EIF4E2: variants seen among roughly 807,000 people sequenced by gnomAD.
The protein encoded by EIF4E2 is eukaryotic translation initiation factor 4E family member 2, also known as eukaryotic translation initiation factor 4E type 2.
Under a neutral mutation model 34.2 loss-of-function variants are expected in EIF4E2, and 13 were observed. The ratio of observed to expected loss-of-function variants is 0.38; its 90% CI spans 0.25 to 0.60. EIF4E2 has a LOEUF of 0.60. Ranked by LOEUF, EIF4E2 falls within the 20% of genes least tolerant of loss-of-function variation. EIF4E2 has a pLI of 0.62. For missense variants in EIF4E2, 222 were observed against 315.1 expected, an observed-to-expected ratio of 0.70 and a Z score of 2.24; for synonymous variants, 100 against 106.6, an observed-to-expected ratio of 0.94 and a Z score of 0.38.
intron 6 of EIF4E2, chr2:232,574,416 C>T (rs1339607670): frequency 2.1e-6 from 3 of 1,449,306 alleles, no homozygotes; most frequent in African/African-American, 1.4e-5. Context: ...CCATTTACCC[C>T]CAAACTTGCC....
chr2:232,562,713 T>C (rs1318347080), intron 3 of EIF4E2, among the ~76,000 whole-genome samples: 1 of 152,240 alleles, frequency 6.6e-6, no homozygotes, highest in African/African-American at 2.4e-5. Context: ...ACCAAGCCCC[T>C]TTCAGTTCCT....
chr2:232,570,702 T>C (rs1693071326), downstream of EIF4E2, among the ~76,000 whole-genome samples: 1 of 152,192 alleles, frequency 6.6e-6, no homozygotes, highest in African/African-American at 2.4e-5. Context: ...CCTAGCACTT[T>C]GGGAGCTCGA....
intron 6 of EIF4E2, chr2:232,567,551 T>TTTAA: frequency 8.1e-7 from 1 of 1,236,032 alleles, no homozygotes; most frequent in Non-Finnish European, 1.0e-6. Context: ...CTTGCTGTTT[T>TTTAA]TTAAGATAAT....
At chr2:232,560,794 A>G (rs916204335) in intron 3 of EIF4E2, among the ~76,000 whole-genome samples, 3 of 152,272 alleles carry the variant, frequency 2.0e-5, no homozygotes, top group African/African-American at 7.2e-5. Flanking sequence ...TGCTGAGCTG[A>G]TAAAATTTCA....
chr2:232,551,660 G>A (rs1000721434), intron 1 of EIF4E2, among the ~76,000 whole-genome samples: 5 of 152,138 alleles, frequency 3.3e-5, no homozygotes, highest in African/African-American at 1.2e-4. Context: ...GTGTGATAAG[G>A]GTCAGATCAC....
exon 7 of EIF4E2, chr2:232,583,367 G>C (rs961927693): frequency 6.5e-6 from 1 of 153,512 alleles, no homozygotes; most frequent in Non-Finnish European, 1.5e-5. Context: ...GCCCTTTACT[G>C]GGTTTTCTGT....
Position 232,550,736 on chromosome 2 carries a change from G to A in EIF4E2, c.12G>A (p.Lys4=), listed in dbSNP as rs769333843. 5.0e-6 allele frequency: 8 copies of A among 1,585,618 alleles called. No homozygotes were observed. The highest frequency in any genetic ancestry group is 6.9e-6 in the Non-Finnish European group (8 of 1,167,840). The change falls in exon 1 of 7, where the codon AAG becomes AAA. Residue 4 remains lysine, a synonymous_variant. Transcript: ENST00000258416. MNN[K]FDALKDDDSG... Reference sequence around the variant, plus strand: ...GCGGCGGCGAGAGGATGAACAACAAGTTCGACGCGTGAGTGGCTCGTGGCC... The same window carrying A: ...GCGGCGGCGAGAGGATGAACAACAAATTCGACGCGTGAGTGGCTCGTGGCC...
At position 232,558,891 on chromosome 2, in the gene EIF4E2, T is replaced by TTGGTTTGTGTAC. The variant is rs1692617446; in HGVS notation, c.270+873_270+874insTGGTTTGTGTAC. 5 of 152,152 alleles carry TTGGTTTGTGTAC rather than the reference T, an allele frequency of 3.3e-5. No individual in the cohort carries two copies. In the South Asian group the frequency reaches 1.0e-3, roughly 32 times the overall value. The allele number at this position is 152,152 out of a possible 1,614,324, so 9.4% of individuals were successfully genotyped here. A position where few individuals can be genotyped will look rare whatever the true frequency, so the allele number is the denominator to read the frequency against. On this transcript the variant is annotated intron_variant, in intron 3 of 6. Coordinates refer to ENST00000258416, the MANE Select transcript of EIF4E2 (RefSeq NM_004846.4). ...GTCAGAGAGCCCAGACTGTCTCATC[T>TTGGTTTGTGTAC]CTCTCCCAGGTGACTTGGTTTGTGT...
intron 6 of EIF4E2, among the ~76,000 whole-genome samples, chr2:232,576,967 T>G (rs1403953801): frequency 6.6e-6 from 1 of 152,238 alleles, no homozygotes; most frequent in Non-Finnish European, 1.5e-5. Context: ...CTGTGACTGT[T>G]AGTATTTTAG....
chr2:232,575,460 T>C (rs1023335072), intron 6 of EIF4E2, among the ~76,000 whole-genome samples: 1 of 152,200 alleles, frequency 6.6e-6, no homozygotes, highest in Non-Finnish European at 1.5e-5. Flanking sequence ...TGATTCTCTT[T>C]AAGATATAGT....
intron 4 of EIF4E2, 137 bp downstream of exon 4, chr2:232,564,488 G>A: frequency 1.9e-6 from 1 of 529,958 alleles, no homozygotes; most frequent in Non-Finnish European, 3.2e-6. Context: ...GTGTCGCTCT[G>A]TCACCCAGGC....
intron 3 of EIF4E2, among the ~76,000 whole-genome samples, chr2:232,561,390 T>C (rs962189708): frequency 5.3e-5 from 8 of 152,106 alleles, no homozygotes; most frequent in South Asian, 4.1e-4. Context: ...TTTGTTTCAG[T>C]GTATATGTTA....
At chr2:232,577,559 A>C (rs1423849905) in intron 6 of EIF4E2, among the ~76,000 whole-genome samples, 1 of 152,206 alleles carries the variant, frequency 6.6e-6, no homozygotes, top group Admixed American at 6.5e-5. Flanking sequence ...CTCTAAAAGT[A>C]CTAAAAGATG....
intron 6 of EIF4E2, chr2:232,567,725 G>A: frequency 3.0e-6 from 3 of 991,334 alleles, no homozygotes; most frequent in Non-Finnish European, 3.6e-6. Flanking sequence ...GTGTGAGAGA[G>A]CAGAATCAAA....
intron 4 of EIF4E2, 93 bp downstream of exon 4, chr2:232,564,444 T>G (rs1692841669): frequency 3.5e-6 from 1 of 281,860 alleles, no homozygotes; most frequent in Non-Finnish European, 5.7e-6. Context: ...GTATTTTATT[T>G]TATTTTATTT....
Position 232,550,692 on chromosome 2 carries a change from C to T in EIF4E2, c.-33C>T. On this transcript the variant is annotated 5_prime_UTR_variant, in exon 1 of 7. Transcript: ENST00000258416. ...GGGACCCGGTGGAGCGGAAGTCACT[C>T]CCTGAGGCAGTGGCGACAGCGGCGG... The T allele has an allele frequency of 1.3e-6, 2 of 1,581,746 alleles. No individual in the cohort carries two copies. The highest frequency in any genetic ancestry group is 1.7e-6 in the Non-Finnish European group (2 of 1,165,444).
At chr2:232,556,386 A>G (rs760493669) in intron 1 of EIF4E2, 30 bp from the exon 2 acceptor site, 1 of 1,573,746 alleles carries the variant, frequency 6.4e-7, no homozygotes, top group Non-Finnish European at 8.7e-7. Flanking sequence ...ACTTCGTCAC[A>G]GAATTGTATT....
In EIF4E2 at chr2:232,551,018, G is replaced by A. The variant is rs1692292165; in HGVS notation, c.20+274G>A. ...GCCCGGTAGGGGGAGATTTTCGGACGCCCCGCCCTGGTGGATGCGGATTGC... is the reference window on the plus strand; with the variant it reads ...GCCCGGTAGGGGGAGATTTTCGGACACCCCGCCCTGGTGGATGCGGATTGC... On this transcript the variant is annotated intron_variant, in intron 1 of 6. Transcript: ENST00000258416. 4.9e-6 allele frequency: 3 copies of A among 609,894 alleles called. No homozygotes were observed. In the Admixed American group the frequency reaches 8.1e-5, roughly 17 times the overall value. The allele number at this position is 609,894 out of a possible 1,614,324, so 37.8% of individuals were successfully genotyped here.
chr2:232,578,783 C>T (rs1693278554), intron 6 of EIF4E2, among the ~76,000 whole-genome samples: 1 of 152,036 alleles, frequency 6.6e-6, no homozygotes, highest in South Asian at 2.1e-4. Context: ...AATCCTTTTT[C>T]CGTCACTAAA....
Sources: allele counts gnomAD v4.1 joint callset (sites outside exome capture counted in the v4.1 genomes callset), GRCh38; gene constraint gnomAD v4.1.1; transcripts MANE v1.5; gene names NCBI Gene and HGNC (gene_info 2026-07-23, HGNC 2026-07-21).